Variants in RBM3 observed in about 807,000 individuals in gnomAD.
RBM3 encodes the protein RNA binding motif protein 3.
Under a neutral mutation model 12.0 loss-of-function variants are expected in RBM3, and 3 were observed. That is an observed-to-expected ratio of 0.25 (90% CI 0.11 to 0.65). The LOEUF is 0.65. Among genes scored for constraint, RBM3 ranks in the 30% least tolerant of loss-of-function variants. The pLI is 0.84. For missense variants in RBM3, 108 were observed against 134.5 expected (o/e 0.80, Z 0.97); for synonymous variants, 58 against 45.7 (o/e 1.27, Z -1.08).
At position 48,577,648 on chromosome X, in the gene RBM3, C is replaced by T. The variant is rs1169821542; in HGVS notation, c.*207C>T. On this transcript the variant is annotated 3_prime_UTR_variant, in exon 7 of 7. Coordinates refer to ENST00000376759, the MANE Select transcript of RBM3 (RefSeq NM_006743.5). Reference sequence around the variant, plus strand: ...ATCTTTTTTTTTAAATTTTTTCTGCCTATTTAAAGACAAATTATGGGACGT... The same window carrying T: ...ATCTTTTTTTTTAAATTTTTTCTGCTTATTTAAAGACAAATTATGGGACGT... 7.3e-6 allele frequency: 2 copies of T among 273,433 alleles called. No individual in the cohort carries two copies. Among genetic ancestry groups the T allele is most frequent in the African/African-American group, 3.0e-5 (1 of 33,392 alleles). The allele number at this position is 273,433 out of a possible 1,213,427, so 22.5% of individuals were successfully genotyped here.
chrX:48,574,743 A>G (rs1292801256), intron 1 of RBM3, 170 bp downstream of exon 1: 2 of 330,306 alleles, frequency 6.1e-6, no homozygotes, highest in Non-Finnish European at 1.2e-5. Flanking sequence ...GGTTGGTGGG[A>G]GGCCGGCGCG....
chrX:48,574,535 C>T lies in RBM3; in HGVS notation c.-52C>T, dbSNP rs1465710987. The T allele has an allele frequency of 6.0e-6, 2 of 331,302 alleles. No individual in the cohort carries two copies. The highest frequency in any genetic ancestry group is 1.2e-5 in the Non-Finnish European group (2 of 170,245). 27.3% of individuals were successfully genotyped at this position (331,302 alleles called of 1,213,427 possible). Reference sequence around the variant, plus strand: ...TCCCTGTTTTTTGTGCTCCTCCGAGCTCGCTGTTCGTCCGGGTTTTTTACG... The same window carrying T: ...TCCCTGTTTTTTGTGCTCCTCCGAGTTCGCTGTTCGTCCGGGTTTTTTACG... On this transcript the variant is annotated 5_prime_UTR_variant, in exon 1 of 7. Coordinates refer to ENST00000376759, the MANE Select transcript of RBM3 (RefSeq NM_006743.5).
rs1359536823 is a variant in RBM3, at chrX:48,577,469, A to G, written c.*28A>G. ...TCCCCCTCTTGCTGTTCCCAGATAC[A>G]CAAGGAATAATTTCTGATCCAGGAT... On this transcript the variant is annotated 3_prime_UTR_variant, in exon 7 of 7. Transcript: ENST00000376759. 2 of 1,066,046 alleles carry G rather than the reference A, an allele frequency of 1.9e-6. No individual in the cohort carries two copies. Among genetic ancestry groups the G allele is most frequent in the East Asian group, 4.0e-5 (1 of 25,092 alleles). 87.9% of individuals were successfully genotyped at this position (1,066,046 alleles called of 1,213,427 possible).
At chrX:48,574,905 G>T (rs1352242537) in intron 1 of RBM3, 3 of 417,089 alleles carry the variant, frequency 7.2e-6, no homozygotes, top group Non-Finnish European at 1.3e-5. Flanking sequence ...TTCTGGGCTT[G>T]CGCAGTGGCA....
Position 48,576,560 on chromosome X carries a change from AGGGTAT to A in RBM3, c.372_377del (p.Tyr129_Gly130del). The A allele has an allele frequency of 8.5e-7, 1 of 1,182,471 alleles. No individual in the cohort carries two copies. Among genetic ancestry groups the A allele is most frequent in the African/African-American group, 1.8e-5 (1 of 56,836 alleles). On this transcript the variant is annotated inframe_deletion, in exon 5 of 7. Transcript: ENST00000376759. ...GCAGGTATTATGACAGTCGACCTGGAGGGTATGGATATGGATATGGACGTTCCAGAG... is the reference window on the plus strand; with the variant it reads ...GCAGGTATTATGACAGTCGACCTGGAGGATATGGATATGGACGTTCCAGAG...
At position 48,574,513 on chromosome X, in the gene RBM3, C is replaced by T. The variant is rs1036562875; in HGVS notation, c.-74C>T. 2.4e-5 allele frequency: 8 copies of T among 330,757 alleles called. No homozygotes were observed. The highest frequency in any genetic ancestry group is 9.4e-5 in the East Asian group (1 of 10,640). The allele number at this position is 330,757 out of a possible 1,213,427, so 27.3% of individuals were successfully genotyped here. On this transcript the variant is annotated 5_prime_UTR_variant, in exon 1 of 7. Transcript: ENST00000376759. ...ATCGTCTTCCGGCGCAGCCCCGTCCCTGTTTTTTGTGCTCCTCCGAGCTCG... is the reference window on the plus strand; with the variant it reads ...ATCGTCTTCCGGCGCAGCCCCGTCCTTGTTTTTTGTGCTCCTCCGAGCTCG...
chrX:48,574,691 CTCT>C (rs2062071756), intron 1 of RBM3, 118 bp downstream of exon 1: 1 of 330,077 alleles, frequency 3.0e-6, no homozygotes, highest in Non-Finnish European at 5.9e-6. Context: ...GCTTGGCTTT[CTCT>C]GGGACGGGCG....
At position 48,578,860 on chromosome X, in the gene RBM3, TGA is replaced by T. The variant is rs2062092265; in HGVS notation, c.*1425_*1426del. 8.9e-6 allele frequency: 1 copy of T among 111,993 alleles called. No individual in the cohort carries two copies. The highest frequency in any genetic ancestry group is 9.5e-5 in the Admixed American group (1 of 10,503). 9.2% of individuals were successfully genotyped at this position (111,993 alleles called of 1,213,427 possible). On this transcript the variant is annotated 3_prime_UTR_variant, in exon 7 of 7. Transcript: ENST00000376759. ...AACTCATCTTTGTGTATGAGGGCCA[TGA>T]GAGAGGCCTGGTTTGAAAACAATGC...
Position 48,577,067 on chromosome X carries a change from G to T in RBM3, c.455G>T (p.Arg152Ile). 2 of 1,211,731 alleles carry T rather than the reference G, an allele frequency of 1.7e-6. No homozygotes were observed. The highest frequency in any genetic ancestry group is 2.2e-6 in the Non-Finnish European group (2 of 895,519). The change falls in exon 6 of 7, where the codon AGA becomes ATA. Residue 152 changes from arginine to isoleucine, a missense_variant. Coordinates refer to ENST00000376759, the MANE Select transcript of RBM3 (RefSeq NM_006743.5). ...GYDRYSGGNY[R>I]DNYDN ...GACCGCTACTCAGGAGGAAATTACA[G>T]AGACAATTATGACAACTGAAATGAG...
rs183815726 is a variant in RBM3, at chrX:48,580,506, C to T, written c.*3065C>T. The stretch of plus-strand genomic sequence containing the variant: ...CCGCCTCCCAGGTTCAAGCAGTTCT[C>T]ATGCCTCAGCCTCCCAAGTAGCTGG... On this transcript the variant is annotated 3_prime_UTR_variant, in exon 7 of 7. Transcript: ENST00000376759. 1.8e-3 allele frequency among the ~76,000 whole-genome samples: 202 copies of T among 111,491 alleles called. 1 individual carries two copies. The highest frequency in any genetic ancestry group is 6.1e-3 in the African/African-American group (188 of 30,678).
Position 48,576,552 on chromosome X carries a change from C to A in RBM3, c.361C>A (p.Arg121=), listed in dbSNP as rs201634647. Residue 121 remains arginine, a synonymous_variant, in exon 5 of 7, where the codon CGA becomes AGA. Coordinates refer to ENST00000376759, the MANE Select transcript of RBM3 (RefSeq NM_006743.5). ...TGGGAGTGGCAGGTATTATGACAGTCGACCTGGAGGGTATGGATATGGATA... is the reference window on the plus strand; with the variant it reads ...TGGGAGTGGCAGGTATTATGACAGTAGACCTGGAGGGTATGGATATGGATA... ...GYGSGRYYDS[R]PGGYGYGYGR... 1.8e-4 allele frequency: 217 copies of A among 1,184,728 alleles called. No homozygotes were observed. Among genetic ancestry groups the A allele is most frequent in the Non-Finnish European group, 2.4e-4 (209 of 882,275 alleles).
rs994383466 is a variant in RBM3, at chrX:48,577,474, G to A, written c.*33G>A. On this transcript the variant is annotated 3_prime_UTR_variant, in exon 7 of 7. Transcript: ENST00000376759. ...CTCTTGCTGTTCCCAGATACACAAG[G>A]AATAATTTCTGATCCAGGATCGTCC... The A allele has an allele frequency of 5.6e-6, 6 of 1,066,800 alleles. No individual in the cohort carries two copies. In the Admixed American group the frequency reaches 1.6e-4, roughly 29 times the overall value. 87.9% of individuals were successfully genotyped at this position (1,066,800 alleles called of 1,213,427 possible). A position where few individuals can be genotyped will look rare whatever the true frequency, so the allele number is the denominator to read the frequency against.
rs1490355797 is a variant in RBM3 at position 48,577,577 on chromosome X, T to C, written c.*136T>C. The C allele has an allele frequency of 1.8e-5, 14 of 772,447 alleles. No individual in the cohort carries two copies. The highest frequency in any genetic ancestry group is 2.2e-5 in the Non-Finnish European group (13 of 585,744). 63.7% of individuals were successfully genotyped at this position (772,447 alleles called of 1,213,427 possible). A position where few individuals can be genotyped will look rare whatever the true frequency, so the allele number is the denominator to read the frequency against. ...TTTTATAGTATATCAACCTTTTGTT[T>C]TTAAATTGACCTGCCAAGGTAGCTG... On this transcript the variant is annotated 3_prime_UTR_variant, in exon 7 of 7. Coordinates refer to ENST00000376759, the MANE Select transcript of RBM3 (RefSeq NM_006743.5).
At chrX:48,576,849 G>A (rs1443303741) in intron 5 of RBM3, among the ~76,000 whole-genome samples, 177 bp from the exon 6 acceptor site, 2 of 112,070 alleles carry the variant, frequency 1.8e-5, no homozygotes, top group African/African-American at 6.5e-5. Flanking sequence ...TTAATATACT[G>A]CGTATAAATC....
chrX:48,576,435 G>A lies in RBM3; in HGVS notation c.316+16G>A, dbSNP rs1285477610. The A allele has an allele frequency of 3.3e-6, 4 of 1,205,680 alleles. No individual in the cohort carries two copies. Among genetic ancestry groups the A allele is most frequent in the Non-Finnish European group, 4.5e-6 (4 of 892,517 alleles). ...TACTCTAGAGGTGAGTGCAGTGATCGTTTTGATCATGGGGTGAGAGGGAGA... is the reference window on the plus strand; with the variant it reads ...TACTCTAGAGGTGAGTGCAGTGATCATTTTGATCATGGGGTGAGAGGGAGA... On this transcript the variant is annotated intron_variant, in intron 4 of 6. Transcript: ENST00000376759.
chrX:48,579,336 G>A lies in RBM3; in HGVS notation c.*1895G>A, dbSNP rs1316712202. Among the ~76,000 whole-genome samples, 1 of 112,160 alleles carries A rather than the reference G, an allele frequency of 8.9e-6. No homozygotes were observed. Among genetic ancestry groups the A allele is most frequent in the East Asian group, 2.8e-4 (1 of 3,597 alleles). ...GAGCTGCCTATTCCCTTGCTGGTGC[G>A]TTGTGGAACCCTGTATTATTAGTTC... On this transcript the variant is annotated 3_prime_UTR_variant, in exon 7 of 7. Transcript: ENST00000376759.
At chrX:48,575,456 T>A in intron 2 of RBM3, 105 bp from the exon 3 acceptor site, 1 of 819,647 alleles carries the variant, frequency 1.2e-6, no homozygotes, top group Non-Finnish European at 1.8e-6. Context: ...GTGGGAGCGC[T>A]CCGTTTTCCC....
At chrX:48,575,350 G>A (rs2062075662) in intron 2 of RBM3, 67 bp downstream of exon 2, 2 of 1,012,401 alleles carry the variant, frequency 2.0e-6, no homozygotes, top group African/African-American at 3.8e-5. Flanking sequence ...ATTTCAAGGA[G>A]TATTAACTGA....
rs1341928523 is a variant in RBM3, at chrX:48,577,615, A to G, written c.*174A>G. On this transcript the variant is annotated 3_prime_UTR_variant, in exon 7 of 7. Coordinates refer to ENST00000376759, the MANE Select transcript of RBM3 (RefSeq NM_006743.5). ...GCCAAGGTAGCTGAAGACCTTTTAG[A>G]CAGTTCCATCTTTTTTTTTAAATTT... 1 of 450,998 alleles carries G rather than the reference A, an allele frequency of 2.2e-6. No individual in the cohort carries two copies. Among genetic ancestry groups the G allele is most frequent in the Non-Finnish European group, 3.0e-6 (1 of 328,192 alleles). 37.2% of individuals were successfully genotyped at this position (450,998 alleles called of 1,213,427 possible).
Sources: gnomAD v4.1 joint callset for allele counts (sites outside exome capture counted in the v4.1 genomes callset) on GRCh38, gnomAD v4.1.1 for gene constraint, MANE v1.5 for transcripts, NCBI Gene and HGNC (gene_info 2026-07-23, HGNC 2026-07-21) for gene names.